CFHR5: variants seen among roughly 807,000 people sequenced by gnomAD.
The protein encoded by CFHR5 is complement factor H-related protein 5.
Under a neutral mutation model 62.9 loss-of-function variants are expected in CFHR5, and 73 were observed. The observed-to-expected ratio is 1.16, with a 90% CI of 0.96 to 1.41. The LOEUF is 1.41. Ranked by LOEUF, CFHR5 falls within the 40% of genes most tolerant of loss-of-function variation. The pLI is 0.00. For synonymous variants in CFHR5, 249 were observed against 227.2 expected, an observed-to-expected ratio of 1.10 and a Z score of -0.86; for missense variants, 779 against 679.9, an observed-to-expected ratio of 1.15 and a Z score of -1.62.
Position 196,977,624 on chromosome 1 carries a change from A to C in CFHR5, c.-41A>C. The C allele has an allele frequency of 6.8e-7, 1 of 1,476,198 alleles. No individual in the cohort carries two copies. Among genetic ancestry groups the C allele is most frequent in the Non-Finnish European group, 9.5e-7 (1 of 1,054,944 alleles). 91.4% of individuals were successfully genotyped at this position (1,476,198 alleles called of 1,614,324 possible). A position where few individuals can be genotyped will look rare whatever the true frequency, so the allele number is the denominator to read the frequency against. ...GCAGATTTAAAGCAACACCACCATCACTGGAGTATTTTTAGTTATATACGA... is the reference window on the plus strand; with the variant it reads ...GCAGATTTAAAGCAACACCACCATCCCTGGAGTATTTTTAGTTATATACGA... On this transcript the variant is annotated 5_prime_UTR_variant, in exon 1 of 10. Transcript: ENST00000256785.
At chr1:197,004,989 G>A in intron 9 of CFHR5, 146 bp downstream of exon 9, 1 of 700,062 alleles carries the variant, frequency 1.4e-6, no homozygotes. Flanking sequence ...GGAAACATTT[G>A]AAAAATTTGC....
intron 4 of CFHR5, among the ~76,000 whole-genome samples, chr1:196,994,790 TCA>T (rs1325122258): frequency 6.6e-6 from 1 of 152,134 alleles, no homozygotes; most frequent in African/African-American, 2.4e-5. Flanking sequence ...TTTAATGGAC[TCA>T]CAGTTTCACG....
At chr1:196,994,760 C>T (rs1334259084) in intron 4 of CFHR5, among the ~76,000 whole-genome samples, 2 of 152,084 alleles carry the variant, frequency 1.3e-5, no homozygotes, top group African/African-American at 2.4e-5. Flanking sequence ...CAAGACTGGG[C>T]AATTTACAAA....
At chr1:196,990,518 T>G (rs189650195) in intron 3 of CFHR5, among the ~76,000 whole-genome samples, 352 of 152,242 alleles carry the variant, frequency 2.3e-3, no homozygotes, top group Middle Eastern at 6.8e-3. Flanking sequence ...CCGGTTGTTC[T>G]TTTTCATGTT....
intron 7 of CFHR5, among the ~76,000 whole-genome samples, chr1:197,001,953 T>G (rs947694252): frequency 1.3e-5 from 2 of 152,076 alleles, no homozygotes; most frequent in African/African-American, 4.8e-5. Context: ...CAAAAAAGAA[T>G]TTAATTCCTA....
intron 9 of CFHR5, among the ~76,000 whole-genome samples, chr1:197,005,957 C>T (rs898573153): frequency 7.2e-5 from 11 of 152,072 alleles, no homozygotes; most frequent in Admixed American, 5.9e-4. Context: ...TAGTATAAGG[C>T]AGAAGTATCA....
rs771400518 is a variant in CFHR5, at chr1:196,996,040, G to C, written c.809G>C (p.Gly270Ala). Residue 270 changes from glycine to alanine, a missense_variant, in exon 6 of 10, where the codon GGA (glycine) becomes GCA (alanine). Transcript: ENST00000256785. ...TTCTTAGAACAAGTGAAAACATGTG[G>C]ATACATACCTGAACTCGAGTACGGT... ...PTCVEQVKTCGYIPELEYGYV... is the reference protein window; with the variant it reads ...PTCVEQVKTCAYIPELEYGYV... 6.8e-6 allele frequency: 11 copies of C among 1,613,704 alleles called. No homozygotes were observed. Among genetic ancestry groups the C allele is most frequent in the Non-Finnish European group, 8.5e-6 (10 of 1,179,840 alleles).
At chr1:196,998,093 ATTGT>A (rs1347403084) in intron 6 of CFHR5, 31 bp from the exon 7 acceptor site, 1 of 1,281,344 alleles carries the variant, frequency 7.8e-7, no homozygotes, top group South Asian at 1.3e-5. Context: ...TATTGACATA[ATTGT>A]TTAGTTTCTA....
intron 3 of CFHR5, among the ~76,000 whole-genome samples, chr1:196,985,538 T>G (rs762661744): frequency 1.3e-5 from 2 of 151,690 alleles, no homozygotes; most frequent in Non-Finnish European, 2.9e-5. Context: ...AAAATTCCAG[T>G]GATTGAAAAG....
intron 3 of CFHR5, among the ~76,000 whole-genome samples, chr1:196,990,947 T>C (rs1443098384): frequency 6.6e-6 from 1 of 152,152 alleles, no homozygotes; most frequent in East Asian, 1.9e-4. Flanking sequence ...CTGGATAATA[T>C]CCTGAAGAGT....
In CFHR5 at chr1:196,996,062, C is replaced by T. The variant is rs367607547; in HGVS notation, c.831C>T (p.Tyr277=). ...KTCGYIPELE[Y]GYVQPSVPPY... is the part of the protein sequence containing the mutation. ...GTGGATACATACCTGAACTCGAGTACGGTTATGTTCAGCCGTCTGTCCCTC... is the reference window on the plus strand; with the variant it reads ...GTGGATACATACCTGAACTCGAGTATGGTTATGTTCAGCCGTCTGTCCCTC... Residue 277 remains tyrosine, a synonymous_variant, in exon 6 of 10, where the codon TAC becomes TAT. Coordinates refer to ENST00000256785, the MANE Select transcript of CFHR5 (RefSeq NM_030787.4). The T allele has an allele frequency of 6.2e-5, 100 of 1,613,682 alleles. No homozygotes were observed. Among genetic ancestry groups the T allele is most frequent in the Middle Eastern group, 1.6e-4 (1 of 6,082 alleles).
intron 8 of CFHR5, among the ~76,000 whole-genome samples, chr1:197,003,818 A>G (rs1012132853): frequency 2.0e-5 from 3 of 152,160 alleles, no homozygotes; most frequent in Non-Finnish European, 2.9e-5. Context: ...ACCTTATTGA[A>G]TTGTGACATT....
At position 197,008,903 on chromosome 1, in the gene CFHR5, A is replaced by T; in HGVS notation, c.*220A>T. 1 of 512,226 alleles carries T rather than the reference A, an allele frequency of 2.0e-6. No homozygotes were observed. Among genetic ancestry groups the T allele is most frequent in the Admixed American group, 3.2e-5 (1 of 31,738 alleles). The allele number at this position is 512,226 out of a possible 1,614,324, so 31.7% of individuals were successfully genotyped here. A position where few individuals can be genotyped will look rare whatever the true frequency, so the allele number is the denominator to read the frequency against. The stretch of plus-strand genomic sequence containing the variant: ...GTCTTAGTCCATATTACATTGTTAT[A>T]ACAGAGTATCACAGACTGGATAACT... On this transcript the variant is annotated 3_prime_UTR_variant, in exon 10 of 10. Coordinates refer to ENST00000256785, the MANE Select transcript of CFHR5 (RefSeq NM_030787.4).
intron 1 of CFHR5, among the ~76,000 whole-genome samples, chr1:196,981,719 G>T (rs1449023650): frequency 1.3e-5 from 2 of 151,850 alleles, no homozygotes; most frequent in Non-Finnish European, 2.9e-5. Context: ...ATCCACAGAT[G>T]CTCAAGTCTC....
intron 3 of CFHR5, among the ~76,000 whole-genome samples, chr1:196,987,956 G>T (rs1166975211): frequency 6.6e-6 from 1 of 152,080 alleles, no homozygotes; most frequent in African/African-American, 2.4e-5. Flanking sequence ...AAATTACCTT[G>T]GGCAGTATGG....
At chr1:197,004,972 C>A in intron 9 of CFHR5, 129 bp downstream of exon 9, 2 of 746,920 alleles carry the variant, frequency 2.7e-6, no homozygotes, top group Non-Finnish European at 4.4e-6. Flanking sequence ...AATGTAAATA[C>A]ATACAAGGAA....
chr1:196,996,299 T>TA, intron 6 of CFHR5, 98 bp downstream of exon 6: 1 of 917,294 alleles, frequency 1.1e-6, no homozygotes, highest in Non-Finnish European at 1.8e-6. Context: ...ATTTTATTGA[T>TA]ACTGACTCTT....
At chr1:196,995,348 AT>A (rs34358403) in intron 4 of CFHR5, among the ~76,000 whole-genome samples, 58,129 of 151,890 alleles carry the variant, frequency 0.38, 12,748 homozygotes, top group Non-Finnish European at 0.51. Context: ...ATGTAGGCAA[AT>A]GTCTTTATGA....
Position 197,000,156 on chromosome 1 carries a change from A to G in CFHR5, c.1147+1852A>G, listed in dbSNP as rs549839978. Among the ~76,000 whole-genome samples, 18 of 152,158 alleles carry G rather than the reference A, an allele frequency of 1.2e-4. No homozygotes were observed. The South Asian group carries it at 3.5e-3, about 30-fold the overall frequency. On this transcript the variant is annotated intron_variant, in intron 7 of 9. Transcript: ENST00000256785. Reference sequence around the variant, plus strand: ...CAAGCATAAAGAGAAGGAAAATACTATGAGTCATAGGTATCAAAATAAGGA... The same window carrying G: ...CAAGCATAAAGAGAAGGAAAATACTGTGAGTCATAGGTATCAAAATAAGGA...
Sources: allele counts gnomAD v4.1 joint callset (sites outside exome capture counted in the v4.1 genomes callset), GRCh38; gene constraint gnomAD v4.1.1; transcripts MANE v1.5; gene names NCBI Gene and HGNC (gene_info 2026-07-23, HGNC 2026-07-21).